Variants in RABGAP1 observed in about 807,000 individuals in gnomAD.
RABGAP1 encodes the protein RAB GTPase activating protein 1.
A neutral mutation model predicts 137.6 loss-of-function variants in RABGAP1; 23 were observed. The ratio of observed to expected loss-of-function variants is 0.17; its 90% confidence interval spans 0.12 to 0.24. RABGAP1 has a LOEUF of 0.24. RABGAP1 is among the 10% of genes least tolerant of loss of function. The probability of loss-of-function intolerance (pLI) is 1.00; values close to 1 mark genes in which losing one functional copy is unlikely to be tolerated. For synonymous variants in RABGAP1, 451 were observed against 450.7 expected, an observed-to-expected ratio of 1.00 and a Z score of -0.01; for missense variants, 906 against 1,275.8, an observed-to-expected ratio of 0.71 and a Z score of 4.42.
intron 13 of RABGAP1, among the ~76,000 whole-genome samples, chr9:123,027,952 T>C (rs1745738825): frequency 6.6e-6 from 1 of 152,262 alleles, no homozygotes; most frequent in African/African-American, 2.4e-5. Context: ...GTGAACATAA[T>C]TTTAAGCCCT....
At chr9:122,954,071 G>T (rs567690001) in intron 1 of RABGAP1, among the ~76,000 whole-genome samples, 1 of 152,326 alleles carries the variant, frequency 6.6e-6, no homozygotes, top group East Asian at 1.9e-4. Context: ...TATTGTCAAT[G>T]GGAATTAGAA....
Position 123,101,639 on chromosome 9 carries a change from C to T in RABGAP1, c.2963C>T (p.Thr988Ile). ...KEGRVKGISS[T>I]KEVLDEDTDE... ...GGGCGTGTAAAAGGCATAAGCTCAA[C>T]CAAGGAGGTTTTAGATGAGGACACG... The change falls in exon 25 of 26, where the codon ACC becomes ATC. Residue 988 changes from threonine to isoleucine, a missense_variant. Physicochemically the swap from Thr to Ile is moderately conservative, Grantham distance 89. This residue lies in a region of RABGAP1 where 193 missense variants were observed against 248.1 expected (regional missense o/e 0.78). Coordinates refer to ENST00000373647, the MANE Select transcript of RABGAP1 (RefSeq NM_012197.4). The T allele has an allele frequency of 1.9e-6, 3 of 1,613,962 alleles. No individual in the cohort carries two copies. The highest frequency in any genetic ancestry group is 2.5e-6 in the Non-Finnish European group (3 of 1,179,990).
intron 15 of RABGAP1, 37 bp from the exon 16 acceptor site, chr9:123,073,515 C>T (rs1435109204): frequency 8.8e-6 from 14 of 1,586,858 alleles, no homozygotes; most frequent in Non-Finnish European, 1.2e-5. Flanking sequence ...TCCCCACCGC[C>T]ATCCTCCCTA....
chr9:123,006,609 T>C (rs1169989164), intron 10 of RABGAP1, among the ~76,000 whole-genome samples: 1 of 152,142 alleles, frequency 6.6e-6, no homozygotes, highest in Admixed American at 6.6e-5. Context: ...TTTATTTTTA[T>C]TTATTTATTT....
chr9:123,017,438 G>A (rs907870929), intron 12 of RABGAP1, among the ~76,000 whole-genome samples: 5 of 152,178 alleles, frequency 3.3e-5, no homozygotes, highest in East Asian at 3.9e-4. Flanking sequence ...GCTTGCTTTA[G>A]TCATGTCTTC....
intron 13 of RABGAP1, among the ~76,000 whole-genome samples, chr9:123,051,212 CTTGGTTTTTT>C (rs2033443253): frequency 4.3e-5 from 2 of 46,050 alleles, no homozygotes; most frequent in African/African-American, 1.4e-4. Flanking sequence ...TTTTATTCAC[CTTGGTTTTTT>C]TTTTTTTTTT....
At position 123,035,117 on chromosome 9, in the gene RABGAP1, C is replaced by T. The variant is rs369295406; in HGVS notation, c.1794+14658C>T. ...GATGTGTTTCAGTGGTGTGCGGAGT[C>T]CTGGCACACCGACTCCTACTTCACC... On this transcript the variant is annotated intron_variant, in intron 13 of 25. Coordinates refer to ENST00000373647, the MANE Select transcript of RABGAP1 (RefSeq NM_012197.4). The T allele has an allele frequency of 2.6e-5, 42 of 1,613,874 alleles. No homozygotes were observed. The African/African-American group carries it at 5.3e-4, about 21-fold the overall frequency.
chr9:123,016,933 C>G (rs149275747), intron 12 of RABGAP1, among the ~76,000 whole-genome samples: 455 of 152,324 alleles, frequency 3.0e-3, no homozygotes, highest in African/African-American at 0.01. Flanking sequence ...ACACTCTCCA[C>G]ACTGGAAAAT....
chr9:122,964,853 T>C (rs1318778565), intron 2 of RABGAP1, among the ~76,000 whole-genome samples: 1 of 152,000 alleles, frequency 6.6e-6, no homozygotes, highest in Non-Finnish European at 1.5e-5. Flanking sequence ...TTTAATTAGC[T>C]GAATGTGGTG....
intron 5 of RABGAP1, 59 bp downstream of exon 5, chr9:122,989,530 T>C (rs746944906): frequency 2.1e-5 from 32 of 1,508,818 alleles, no homozygotes; most frequent in Non-Finnish European, 2.7e-5. Context: ...CTCACTAGGT[T>C]GAAATGATTA....
intron 13 of RABGAP1, among the ~76,000 whole-genome samples, chr9:123,037,993 CAT>C (rs911083656): frequency 3.3e-5 from 5 of 152,090 alleles, no homozygotes; most frequent in South Asian, 2.1e-4. Context: ...TCAGAGGAAA[CAT>C]ATACTTTTGG....
At chr9:123,021,230 AAAAAAG>A in intron 13 of RABGAP1, among the ~76,000 whole-genome samples, 1 of 152,056 alleles carries the variant, frequency 6.6e-6, no homozygotes, top group East Asian at 1.9e-4. Context: ...ACTTTGTCTT[AAAAAAG>A]AAAAAAAGTT....
chr9:123,099,152 GTTGAGTT>G (rs1409142680), intron 23 of RABGAP1, among the ~76,000 whole-genome samples: 1 of 152,168 alleles, frequency 6.6e-6, no homozygotes, highest in Non-Finnish European at 1.5e-5. Flanking sequence ...TCCCTGACTG[GTTGAGTT>G]TTAAGAACAT....
At chr9:123,084,794 A>ATG (rs1460728862) in intron 19 of RABGAP1, among the ~76,000 whole-genome samples, 2 of 152,228 alleles carry the variant, frequency 1.3e-5, no homozygotes, top group Non-Finnish European at 2.9e-5. Context: ...TTTGATCTTC[A>ATG]TAACAGTAGT....
At chr9:123,010,909 A>G (rs1271190339) in intron 11 of RABGAP1, among the ~76,000 whole-genome samples, 3 of 152,156 alleles carry the variant, frequency 2.0e-5, no homozygotes, top group Admixed American at 6.5e-5. Flanking sequence ...TGGCTTGCAC[A>G]CATGACCCTT....
intron 1 of RABGAP1, 131 bp from the exon 2 acceptor site, chr9:122,956,880 A>T: frequency 2.6e-6 from 1 of 388,756 alleles, no homozygotes; most frequent in Non-Finnish European, 4.3e-6. Context: ...AGCTATAAGT[A>T]GTGAAAGTCT....
chr9:123,034,669 A>G, intron 13 of RABGAP1: 1 of 1,612,932 alleles, frequency 6.2e-7, no homozygotes, highest in African/African-American at 1.3e-5. Flanking sequence ...AGTATTGATT[A>G]TTGTCTTTCT....
chr9:123,102,705 T>C (rs891636674), intron 25 of RABGAP1, among the ~76,000 whole-genome samples: 1 of 152,028 alleles, frequency 6.6e-6, no homozygotes, highest in Non-Finnish European at 1.5e-5. Context: ...GAGGTGGTGC[T>C]AAGGCTGGAA....
intron 13 of RABGAP1, among the ~76,000 whole-genome samples, chr9:123,023,140 T>C (rs898378619): frequency 6.6e-6 from 1 of 152,128 alleles, no homozygotes; most frequent in African/African-American, 2.4e-5. Flanking sequence ...GAGTAATCAT[T>C]ATTCTGGCTT....
Sources: allele counts gnomAD v4.1 joint callset (sites outside exome capture counted in the v4.1 genomes callset), GRCh38; gene constraint gnomAD v4.1.1; regional missense constraint gnomAD v4.1.1; transcripts MANE v1.5; gene names NCBI Gene and HGNC (gene_info 2026-07-23, HGNC 2026-07-21).